DNM3: variants seen among roughly 807,000 people sequenced by gnomAD.
The protein encoded by DNM3 is dynamin 3.
In DNM3, 47 loss-of-function variants were observed where a neutral mutation model predicts 101.6. The observed-to-expected ratio is 0.46, with a 90% CI of 0.37 to 0.59. The LOEUF (loss-of-function observed/expected upper bound fraction) is 0.59. Among genes scored for constraint, DNM3 ranks in the 20% least tolerant of loss-of-function variants. The pLI is 0.00. For missense variants in DNM3, 849 were observed against 1,085.7 expected, an observed-to-expected ratio of 0.78 and a Z score of 3.06; for synonymous variants, 385 against 387.9, an observed-to-expected ratio of 0.99 and a Z score of 0.09.
At chr1:172,170,064 A>G (rs908883144) in intron 14 of DNM3, among the ~76,000 whole-genome samples, 6 of 151,936 alleles carry the variant, frequency 3.9e-5, no homozygotes, top group African/African-American at 1.4e-4. Context: ...TATGCACTAC[A>G]AAGCACTAGC....
chr1:172,096,501 A>G (rs941195648), intron 13 of DNM3, among the ~76,000 whole-genome samples: 1 of 152,214 alleles, frequency 6.6e-6, no homozygotes, highest in African/African-American at 2.4e-5. Context: ...AAGTAGGAAG[A>G]ATCCAAAAAA....
intron 15 of DNM3, among the ~76,000 whole-genome samples, chr1:172,275,257 T>C (rs2063237301): frequency 6.6e-6 from 1 of 152,028 alleles, no homozygotes. Context: ...CCATTAACTA[T>C]ACCTCTAACA....
chr1:171,931,042 T>C (rs978323467), intron 2 of DNM3, among the ~76,000 whole-genome samples: 2 of 152,096 alleles, frequency 1.3e-5, no homozygotes, highest in Non-Finnish European at 2.9e-5. Context: ...CTGGGCAACA[T>C]AGGAAGCCCT....
At chr1:172,253,113 A>G (rs1389828308) in intron 14 of DNM3, among the ~76,000 whole-genome samples, 1 of 152,172 alleles carries the variant, frequency 6.6e-6, no homozygotes, top group African/African-American at 2.4e-5. Context: ...TAAAACAAGA[A>G]ATGAAATCCA....
In DNM3 at chr1:171,844,663, A is replaced by G. The variant is rs183632140; in HGVS notation, c.161+2846A>G. On this transcript the variant is annotated intron_variant, in intron 1 of 20. Coordinates refer to ENST00000627582, the MANE Select transcript of DNM3 (RefSeq NM_015569.5). ...TTTCTTGCTGAAGTGATGAACTTGC[A>G]TATTAATGTGATATAGCATGAGTAA... 1.2e-4 allele frequency among the ~76,000 whole-genome samples: 19 copies of G among 152,336 alleles called. No homozygotes were observed. In the East Asian group the frequency reaches 3.5e-3, roughly 28 times the overall value.
chr1:171,865,342 C>T (rs2034613872), intron 1 of DNM3, among the ~76,000 whole-genome samples: 1 of 151,460 alleles, frequency 6.6e-6, no homozygotes, highest in Non-Finnish European at 1.5e-5. Context: ...GTGGTGAAAC[C>T]TCATCTCTAC....
At chr1:172,343,250 A>C (rs1248369334) in intron 17 of DNM3, among the ~76,000 whole-genome samples, 2 of 152,210 alleles carry the variant, frequency 1.3e-5, no homozygotes, top group African/African-American at 4.8e-5. Context: ...GGCTTTCTTT[A>C]ATCATTTATA....
intron 13 of DNM3, among the ~76,000 whole-genome samples, chr1:172,121,195 G>A (rs2056295954): frequency 1.3e-5 from 2 of 152,086 alleles, no homozygotes; most frequent in South Asian, 4.1e-4. Context: ...CTGCACATGG[G>A]AAAGATACAC....
chr1:172,087,741 A>G (rs921982033), intron 12 of DNM3, among the ~76,000 whole-genome samples: 3 of 152,208 alleles, frequency 2.0e-5, no homozygotes, highest in Non-Finnish European at 4.4e-5. Context: ...GAGTTACTAC[A>G]ACAGTCTCTC....
chr1:172,358,708 A>G lies in DNM3; in HGVS notation c.1894-20310A>G, dbSNP rs112907030. Among the ~76,000 whole-genome samples, 810 of 152,180 alleles carry G rather than the reference A, an allele frequency of 5.3e-3. 6 individuals carry two copies. Among genetic ancestry groups the G allele is most frequent in the Non-Finnish European group, 9.4e-3 (639 of 67,964 alleles). On this transcript the variant is annotated intron_variant, in intron 17 of 20. Transcript: ENST00000627582. ...GAAGGAGTCTCTCTCAGTTTGATTCATTGCTTCTCACAAGCCAGCTCCAGA... is the reference window on the plus strand; with the variant it reads ...GAAGGAGTCTCTCTCAGTTTGATTCGTTGCTTCTCACAAGCCAGCTCCAGA...
chr1:172,175,500 G>T (rs983828331), intron 14 of DNM3, among the ~76,000 whole-genome samples: 1 of 151,704 alleles, frequency 6.6e-6, no homozygotes, highest in Non-Finnish European at 1.5e-5. Context: ...AGACCTGACA[G>T]TAAGAAATGG....
intron 4 of DNM3, among the ~76,000 whole-genome samples, chr1:171,993,644 A>G (rs1013503649): frequency 6.6e-6 from 1 of 151,842 alleles, no homozygotes; most frequent in Non-Finnish European, 1.5e-5. Context: ...ATTTTCAGCC[A>G]TTATTTCTTC....
intron 15 of DNM3, among the ~76,000 whole-genome samples, chr1:172,280,794 C>G (rs1056500538): frequency 2.0e-5 from 3 of 152,032 alleles, no homozygotes; most frequent in African/African-American, 7.2e-5. Context: ...TTAATAGTAT[C>G]CAGATTTTAG....
intron 15 of DNM3, chr1:172,289,468 T>TTTTG (rs10632961): frequency 0.54 from 356,514 of 657,384 alleles, 101,679 homozygotes; most frequent in African/African-American, 0.89. Flanking sequence ...TCATTTCTAA[T>TTTTG]TTTGTTTTCT....
At chr1:172,174,660 A>G (rs966559940) in intron 14 of DNM3, among the ~76,000 whole-genome samples, 1 of 151,676 alleles carries the variant, frequency 6.6e-6, no homozygotes, top group Non-Finnish European at 1.5e-5. Context: ...CAGAAAAAGC[A>G]TGCAACATAT....
intron 14 of DNM3, among the ~76,000 whole-genome samples, chr1:172,245,201 A>G (rs1422277970): frequency 6.6e-6 from 1 of 152,218 alleles, no homozygotes; most frequent in Non-Finnish European, 1.5e-5. Context: ...ACACAACTAC[A>G]GAGTAACAGG....
intron 4 of DNM3, among the ~76,000 whole-genome samples, chr1:172,006,582 A>G (rs1033548126): frequency 3.3e-5 from 5 of 151,978 alleles, no homozygotes; most frequent in Non-Finnish European, 4.4e-5. Flanking sequence ...CAGATCTTAA[A>G]TCTATTTTAT....
intron 10 of DNM3, among the ~76,000 whole-genome samples, chr1:172,055,782 A>T (rs896820348): frequency 1.3e-5 from 2 of 152,234 alleles, no homozygotes; most frequent in African/African-American, 4.8e-5. Flanking sequence ...TTTTAGGTTT[A>T]TATAGATGTG....
At chr1:172,249,919 C>A (rs1291910626) in intron 14 of DNM3, among the ~76,000 whole-genome samples, 1 of 152,144 alleles carries the variant, frequency 6.6e-6, no homozygotes, top group East Asian at 1.9e-4. Context: ...ATAATTATAA[C>A]AAATATCACA....
Sources: allele counts gnomAD v4.1 joint callset (sites outside exome capture counted in the v4.1 genomes callset), GRCh38; gene constraint gnomAD v4.1.1; transcripts MANE v1.5; gene names NCBI Gene and HGNC (gene_info 2026-07-23, HGNC 2026-07-21).